The following UNC5C variants were observed in gnomAD, a reference collection of about 807,000 sequenced individuals.
UNC5C encodes unc-5 netrin receptor C, also known as netrin receptor UNC5C.
A neutral mutation model predicts 99.8 loss-of-function variants in UNC5C; 47 were observed. The observed-to-expected ratio is 0.47, with a 90% CI of 0.37 to 0.60. UNC5C has a LOEUF of 0.60. Among genes scored for constraint, UNC5C ranks in the 20% least tolerant of loss-of-function variants. The probability of loss-of-function intolerance (pLI) is 0.00; values close to 1 mark genes in which losing one functional copy is unlikely to be tolerated. For missense variants in UNC5C, 1,062 were observed against 1,165.9 expected, an observed-to-expected ratio of 0.91 and a Z score of 1.30; for synonymous variants, 487 against 452.2, an observed-to-expected ratio of 1.08 and a Z score of -0.98.
At chr4:95,262,375 C>T (rs1363037435) in intron 4 of UNC5C, among the ~76,000 whole-genome samples, 4 of 152,164 alleles carry the variant, frequency 2.6e-5, no homozygotes, top group African/African-American at 4.8e-5. Flanking sequence ...CATAAGTCCA[C>T]GTATTTCTAC....
intron 1 of UNC5C, among the ~76,000 whole-genome samples, chr4:95,521,218 TTTTTTC>T (rs1264999911): frequency 7.1e-5 from 3 of 42,374 alleles, no homozygotes; most frequent in African/African-American, 1.8e-4. Context: ...TTCTTTTTTC[TTTTTTC>T]TTTTTTTTTT....
intron 1 of UNC5C, among the ~76,000 whole-genome samples, chr4:95,351,834 A>T (rs1744003430): frequency 6.6e-6 from 1 of 152,128 alleles, no homozygotes; most frequent in African/African-American, 2.4e-5. Flanking sequence ...GAGAAATAAG[A>T]TGACACCTCT....
chr4:95,234,485 G>A (rs1009386341), intron 7 of UNC5C, among the ~76,000 whole-genome samples: 10 of 151,588 alleles, frequency 6.6e-5, no homozygotes, highest in African/African-American at 2.2e-4. Context: ...CAATTAACTC[G>A]TCATTTAACT....
rs116352252 is a variant in UNC5C, at chr4:95,293,520, A to G, written c.490+8086T>C. On this transcript the variant is annotated intron_variant, in intron 3 of 15. Transcript: ENST00000453304. ...CTTTTATTAGAGACAAGGTCTTGCT[A>G]TGTTGCCCAGGCTGGTCTCAAACCC... Among the ~76,000 whole-genome samples the G allele has an allele frequency of 3.7e-3, 562 of 151,826 alleles. 1 individual carries two copies. Among genetic ancestry groups the G allele is most frequent in the African/African-American group, 0.013 (541 of 41,402 alleles).
chr4:95,532,700 A>G (rs1722682189), intron 1 of UNC5C, among the ~76,000 whole-genome samples: 1 of 152,152 alleles, frequency 6.6e-6, no homozygotes. Flanking sequence ...GCGAAAGCTG[A>G]TAGTAAGTGA....
chr4:95,524,554 A>C (rs1390528214), intron 1 of UNC5C, among the ~76,000 whole-genome samples: 1 of 152,132 alleles, frequency 6.6e-6, no homozygotes, highest in Non-Finnish European at 1.5e-5. Flanking sequence ...GGAAGCTGCC[A>C]CCATATTGGG....
intron 1 of UNC5C, among the ~76,000 whole-genome samples, chr4:95,514,441 T>C (rs560277194): frequency 2.2e-4 from 33 of 151,878 alleles, no homozygotes; most frequent in Admixed American, 4.6e-4. Context: ...TGAACTCTCT[T>C]AGAGGTTAAA....
intron 14 of UNC5C, among the ~76,000 whole-genome samples, chr4:95,171,900 G>A (rs1579194695): frequency 6.6e-6 from 1 of 151,910 alleles, no homozygotes; most frequent in African/African-American, 2.4e-5. Context: ...TCTAGCACCT[G>A]TCGTTTCCTG....
Position 95,169,357 on chromosome 4 carries a change from T to TA in UNC5C, c.2672dup (p.Ile892AsnfsTer29). 3 of 1,614,240 alleles carry TA rather than the reference T, an allele frequency of 1.9e-6. No individual in the cohort carries two copies. Among genetic ancestry groups the TA allele is most frequent in the Non-Finnish European group, 1.7e-6 (2 of 1,180,044 alleles). ...TCTGTGCTTCCCAAAGATCCAGGAT[T>TA]ACGCCAGTTGGGCTGGATTTGGTGG... On this transcript the variant is annotated frameshift_variant, in exon 16 of 16. Transcript: ENST00000453304. LOFTEE classifies it high-confidence loss of function.
chr4:95,289,534 T>G (rs985861956), intron 3 of UNC5C, among the ~76,000 whole-genome samples: 1 of 152,242 alleles, frequency 6.6e-6, no homozygotes, highest in African/African-American at 2.4e-5. Flanking sequence ...ACACACTCAC[T>G]GAACAATGGT....
intron 3 of UNC5C, among the ~76,000 whole-genome samples, chr4:95,281,773 T>G (rs1741068172): frequency 6.6e-6 from 1 of 152,164 alleles, no homozygotes; most frequent in African/African-American, 2.4e-5. Context: ...GTTTGGCATA[T>G]CTATGAAACA....
At chr4:95,227,431 G>T (rs1738741690) in intron 7 of UNC5C, among the ~76,000 whole-genome samples, 1 of 152,154 alleles carries the variant, frequency 6.6e-6, no homozygotes, top group Admixed American at 6.5e-5. Context: ...GGGATTACAG[G>T]TGTGAGCCAT....
chr4:95,244,734 G>C (rs1055606076), intron 6 of UNC5C, among the ~76,000 whole-genome samples: 3 of 152,118 alleles, frequency 2.0e-5, no homozygotes, highest in Admixed American at 1.3e-4. Flanking sequence ...ATAATATAAA[G>C]GGATTATATC....
At chr4:95,259,457 C>G (rs1309525633) in intron 4 of UNC5C, among the ~76,000 whole-genome samples, 2 of 152,154 alleles carry the variant, frequency 1.3e-5, no homozygotes, top group Non-Finnish European at 2.9e-5. Context: ...TTTCAGCCTT[C>G]GCTGGCATTT....
intron 1 of UNC5C, among the ~76,000 whole-genome samples, chr4:95,365,151 C>T (rs979943493): frequency 4.0e-5 from 6 of 150,968 alleles, no homozygotes; most frequent in African/African-American, 1.5e-4. Flanking sequence ...AAGAAATTAA[C>T]TGGGCATGGT....
chr4:95,311,174 T>A (rs1742262202), intron 2 of UNC5C, among the ~76,000 whole-genome samples: 1 of 152,168 alleles, frequency 6.6e-6, no homozygotes, highest in South Asian at 2.1e-4. Flanking sequence ...TCTTTTTAAC[T>A]TTGGTGATTA....
chr4:95,250,490 A>T lies in UNC5C; in HGVS notation c.772T>A (p.Tyr258Asn), dbSNP rs1205582252. The T allele has an allele frequency of 6.2e-7, 1 of 1,613,786 alleles. No individual in the cohort carries two copies. The highest frequency in any genetic ancestry group is 8.5e-7 in the Non-Finnish European group (1 of 1,179,842). Reference protein sequence around the residue: ...RKSTTATVIVYVNGGWSTWTE... With the variant: ...RKSTTATVIVNVNGGWSTWTE... ...GAGACCCTGAAGGGCCACTCACCAT[A>T]GACTATGACAGTGGCAGTTGTACTT... Residue 258 changes from tyrosine (Y) to asparagine (N), a missense_variant, in exon 5 of 16, where the codon TAT (tyrosine) becomes AAT (asparagine). By Grantham distance (143) the Tyr-to-Asn change is moderately radical (BLOSUM62 -2). Transcript: ENST00000453304.
chr4:95,212,915 G>A lies in UNC5C; in HGVS notation c.1733+3209C>T, dbSNP rs111961029. Among the ~76,000 whole-genome samples the A allele has an allele frequency of 6.4e-3, 975 of 152,134 alleles. 13 individuals carry two copies. The highest frequency in any genetic ancestry group is 0.02 in the African/African-American group (841 of 41,502). On this transcript the variant is annotated intron_variant, in intron 10 of 15. Coordinates refer to ENST00000453304, the MANE Select transcript of UNC5C (RefSeq NM_003728.4). ...CAGACTGGGACCTGGCTCACCCTCC[G>A]GCCCGGTTCCTCCTCCTCCTCTCTC...
intron 1 of UNC5C, among the ~76,000 whole-genome samples, chr4:95,530,782 G>GA (rs572208401): frequency 6.0e-4 from 91 of 151,880 alleles, no homozygotes; most frequent in African/African-American, 1.7e-3. Flanking sequence ...GGACTTTTCA[G>GA]AAAAAAAAGT....
Sources: allele counts gnomAD v4.1 joint callset (sites outside exome capture counted in the v4.1 genomes callset), GRCh38; gene constraint gnomAD v4.1.1; transcripts MANE v1.5; gene names NCBI Gene and HGNC (gene_info 2026-07-23, HGNC 2026-07-21).